Variants in RANBP2 observed in about 807,000 individuals in gnomAD.
The protein encoded by RANBP2 is E3 SUMO-protein ligase RanBP2.
In RANBP2, 57 loss-of-function variants were observed where a neutral mutation model predicts 303.6. The observed-to-expected ratio is 0.19, with a 90% CI of 0.15 to 0.23. RANBP2 has a LOEUF of 0.23. Ranked by LOEUF, RANBP2 falls within the 10% of genes least tolerant of loss-of-function variation. The probability of loss-of-function intolerance (pLI) is 1.00; values close to 1 mark genes in which losing one functional copy is unlikely to be tolerated. For synonymous variants in RANBP2, 1,167 were observed against 1,301.5 expected (o/e 0.90, Z 2.23); for missense variants, 3,138 against 3,780.8 (o/e 0.83, Z 4.46).
At chr2:109,059,187 C>T in the RANBP2 span, among the ~76,000 whole-genome samples, 1 of 152,104 alleles carries the variant, frequency 6.6e-6, no homozygotes, top group Non-Finnish European at 1.5e-5. Flanking sequence ...AACAGAGGCC[C>T]CTCTACTGTG....
the RANBP2 span, among the ~76,000 whole-genome samples, chr2:108,976,703 T>G: frequency 6.6e-6 from 1 of 152,242 alleles, no homozygotes; most frequent in African/African-American, 2.4e-5. Context: ...TAACCCAATA[T>G]TACATTATTT....
the RANBP2 span, among the ~76,000 whole-genome samples, chr2:109,653,902 A>T: frequency 6.6e-6 from 1 of 152,188 alleles, no homozygotes; most frequent in Admixed American, 6.5e-5. Flanking sequence ...CCAGTCCAAC[A>T]GCAAAGTCTT....
the RANBP2 span, among the ~76,000 whole-genome samples, chr2:109,256,838 G>T: frequency 6.6e-6 from 1 of 152,178 alleles, no homozygotes; most frequent in Admixed American, 6.5e-5. Context: ...ACAGGTGGGG[G>T]TGTCCCTTGT....
chr2:108,891,976 G>A, the RANBP2 span, among the ~76,000 whole-genome samples: 2 of 152,256 alleles, frequency 1.3e-5, no homozygotes, highest in African/African-American at 4.8e-5. Context: ...CCCAGAATAT[G>A]TGCCCTGTCT....
the RANBP2 span, among the ~76,000 whole-genome samples, chr2:108,931,364 C>T: frequency 6.6e-6 from 1 of 152,198 alleles, no homozygotes; most frequent in Non-Finnish European, 1.5e-5. Flanking sequence ...AGCTTTAAGT[C>T]TGGAGTCCTC....
chr2:109,738,982 G>A, the RANBP2 span, among the ~76,000 whole-genome samples: 31,900 of 142,308 alleles, frequency 0.22, 4,801 homozygotes, highest in Non-Finnish European at 0.31. Flanking sequence ...TAGATATCCA[G>A]CTTTTCCAGC....
chr2:108,950,555 A>G, the RANBP2 span, among the ~76,000 whole-genome samples: 1 of 152,238 alleles, frequency 6.6e-6, no homozygotes, highest in Non-Finnish European at 1.5e-5. Flanking sequence ...ATATTCTGAC[A>G]TGATGTAGCT....
chr2:109,126,431 A>C, the RANBP2 span, among the ~76,000 whole-genome samples: 1 of 152,142 alleles, frequency 6.6e-6, no homozygotes, highest in Non-Finnish European at 1.5e-5. Flanking sequence ...ATTCTTCTGG[A>C]AATTCTCACT....
chr2:109,047,955 G>T, the RANBP2 span, among the ~76,000 whole-genome samples: 1 of 152,332 alleles, frequency 6.6e-6, no homozygotes, highest in South Asian at 2.1e-4. Flanking sequence ...CTGGCCTGTG[G>T]CCCCTCTGCC....
At chr2:108,860,032 G>A in the RANBP2 span, among the ~76,000 whole-genome samples, 1 of 151,998 alleles carries the variant, frequency 6.6e-6, no homozygotes, top group Non-Finnish European at 1.5e-5. Flanking sequence ...CTGGTTAGAT[G>A]TATTCCTAAG....
chr2:108,786,892 C>G (rs1036032825), downstream of RANBP2: 11 of 1,557,854 alleles, frequency 7.1e-6, no homozygotes, highest in Non-Finnish European at 7.8e-6. Flanking sequence ...CCGCTACGGA[C>G]TCGGGGGCAG....
chr2:109,616,069 A>G, the RANBP2 span: 4 of 1,498,974 alleles, frequency 2.7e-6, no homozygotes, highest in Non-Finnish European at 3.6e-6. Context: ...TTTGGGTAAA[A>G]ATTGCTTCTT....
the RANBP2 span, among the ~76,000 whole-genome samples, chr2:109,081,586 C>T: frequency 9.2e-5 from 14 of 152,178 alleles, no homozygotes; most frequent in African/African-American, 2.4e-4. Flanking sequence ...GACTGCCTGT[C>T]GCTTGTGGTC....
chr2:109,262,865 C>T, the RANBP2 span, among the ~76,000 whole-genome samples: 1 of 152,064 alleles, frequency 6.6e-6, no homozygotes, highest in African/African-American at 2.4e-5. Flanking sequence ...CAGAGTCTTC[C>T]TCTGTTGTCC....
At chr2:109,457,471 T>G in the RANBP2 span, among the ~76,000 whole-genome samples, 2 of 152,264 alleles carry the variant, frequency 1.3e-5, no homozygotes, top group African/African-American at 4.8e-5. Flanking sequence ...GTAATAGTTG[T>G]GAGGGTTCTG....
chr2:109,545,890 G>C, the RANBP2 span: 1 of 1,436,788 alleles, frequency 7.0e-7, no homozygotes, highest in Non-Finnish European at 9.2e-7. Context: ...AAACAGCAGT[G>C]AACAAGAGGG....
the RANBP2 span, among the ~76,000 whole-genome samples, chr2:109,547,142 T>A: frequency 6.6e-6 from 1 of 152,212 alleles, no homozygotes; most frequent in East Asian, 1.9e-4. Context: ...CAGACAGCTC[T>A]ACATTAACTA....
the RANBP2 span, among the ~76,000 whole-genome samples, chr2:109,602,145 C>T: frequency 7.9e-5 from 12 of 152,128 alleles, no homozygotes; most frequent in South Asian, 2.1e-4. Flanking sequence ...AGCTGATTTC[C>T]GTACTAAGTG....
chr2:108,848,831 T>G, the RANBP2 span, among the ~76,000 whole-genome samples: 1 of 152,178 alleles, frequency 6.6e-6, no homozygotes, highest in Non-Finnish European at 1.5e-5. Context: ...TGAATCAAAA[T>G]TGGCACTTCA....
Sources: gnomAD v4.1 joint callset for allele counts (sites outside exome capture counted in the v4.1 genomes callset) on GRCh38, gnomAD v4.1.1 for gene constraint, MANE v1.5 for transcripts, NCBI Gene and HGNC (gene_info 2026-07-23, HGNC 2026-07-21) for gene names.